ROBO1: variants seen among roughly 807,000 people sequenced by gnomAD.
ROBO1 encodes the protein roundabout homolog 1.
ROBO1 carries 149 observed loss-of-function variants against 195.9 expected under a neutral mutation model. The ratio of observed to expected loss-of-function variants is 0.76; its 90% CI spans 0.67 to 0.87. The LOEUF is 0.87. ROBO1 is among the 40% of genes least tolerant of loss of function. ROBO1 has a pLI of 0.00. For synonymous variants in ROBO1, 816 were observed against 733.2 expected (o/e 1.11, Z -1.82); for missense variants, 1,933 against 2,068.3 (o/e 0.93, Z 1.27).
chr3:78,614,881 T>G (rs1016957486), intron 27 of ROBO1, 81 bp from the exon 28 acceptor site: 1 of 1,342,080 alleles, frequency 7.5e-7, no homozygotes, highest in African/African-American at 1.5e-5. Flanking sequence ...AAGAAAACAT[T>G]AAAACCAGAA....
chr3:78,945,518 T>C (rs932199075), intron 3 of ROBO1, among the ~76,000 whole-genome samples: 1 of 152,070 alleles, frequency 6.6e-6, no homozygotes, highest in Non-Finnish European at 1.5e-5. Flanking sequence ...AACCCATCTG[T>C]ACCTCACCAT....
chr3:78,682,829 T>G (rs1294055089), intron 10 of ROBO1, among the ~76,000 whole-genome samples: 2 of 150,928 alleles, frequency 1.3e-5, no homozygotes, highest in Non-Finnish European at 3.0e-5. Context: ...TACAGTTGAC[T>G]TTTTTATATT....
At chr3:79,506,003 A>G (rs1311532966) in intron 2 of ROBO1, among the ~76,000 whole-genome samples, 1 of 152,212 alleles carries the variant, frequency 6.6e-6, no homozygotes, top group African/African-American at 2.4e-5. Context: ...AAACCAAAAT[A>G]CTAACTATAT....
At chr3:78,994,009 G>A (rs1222337450) in intron 3 of ROBO1, among the ~76,000 whole-genome samples, 1 of 151,860 alleles carries the variant, frequency 6.6e-6, no homozygotes, top group Non-Finnish European at 1.5e-5. Context: ...AAATGACTAG[G>A]ATGTTATAGT....
At chr3:79,398,179 T>C (rs940805514) in intron 2 of ROBO1, among the ~76,000 whole-genome samples, 5 of 152,154 alleles carry the variant, frequency 3.3e-5, no homozygotes, top group African/African-American at 4.8e-5. Flanking sequence ...TGGTTTGGTC[T>C]CAACACACCC....
intron 3 of ROBO1, among the ~76,000 whole-genome samples, chr3:79,056,207 C>T (rs2078804703): frequency 6.6e-6 from 1 of 152,092 alleles, no homozygotes; most frequent in South Asian, 2.1e-4. Context: ...AATCAGGAGC[C>T]TGCAGCTTGC....
At chr3:79,092,248 C>T (rs777499465) in intron 3 of ROBO1, among the ~76,000 whole-genome samples, 1 of 151,970 alleles carries the variant, frequency 6.6e-6, no homozygotes, top group Non-Finnish European at 1.5e-5. Flanking sequence ...AGATCTTGTC[C>T]CGAAGATCGC....
At chr3:78,790,880 T>C (rs1030504624) in intron 4 of ROBO1, among the ~76,000 whole-genome samples, 2 of 152,166 alleles carry the variant, frequency 1.3e-5, no homozygotes, top group Admixed American at 6.5e-5. Flanking sequence ...TTCCAAGGGA[T>C]GGGGCAGGGA....
chr3:78,786,798 C>G (rs1415174437), intron 4 of ROBO1, among the ~76,000 whole-genome samples: 1 of 152,158 alleles, frequency 6.6e-6, no homozygotes, highest in Non-Finnish European at 1.5e-5. Context: ...GTCCATTAAG[C>G]CTCTTTTTCT....
At chr3:79,262,786 A>C (rs1481899332) in intron 2 of ROBO1, among the ~76,000 whole-genome samples, 2 of 152,120 alleles carry the variant, frequency 1.3e-5, no homozygotes, top group East Asian at 3.9e-4. Context: ...GACAGAATAC[A>C]CAATGTAAAG....
chr3:79,158,403 T>C (rs973664999), intron 2 of ROBO1, among the ~76,000 whole-genome samples: 2 of 151,586 alleles, frequency 1.3e-5, no homozygotes, highest in Non-Finnish European at 3.0e-5. Context: ...ATTCATCTTT[T>C]AATTTTCTTA....
At chr3:79,189,214 A>G (rs1306084589) in intron 2 of ROBO1, among the ~76,000 whole-genome samples, 2 of 151,882 alleles carry the variant, frequency 1.3e-5, no homozygotes, top group Admixed American at 6.6e-5. Flanking sequence ...AACATCAGGA[A>G]TACAGTTGCA....
At chr3:78,864,688 G>T (rs1489950734) in intron 4 of ROBO1, among the ~76,000 whole-genome samples, 1 of 151,354 alleles carries the variant, frequency 6.6e-6, no homozygotes, top group East Asian at 1.9e-4. Flanking sequence ...TAACTGTAAT[G>T]CATGTATGTA....
intron 3 of ROBO1, among the ~76,000 whole-genome samples, chr3:78,964,930 C>T (rs995186389): frequency 6.6e-6 from 1 of 151,316 alleles, no homozygotes; most frequent in African/African-American, 2.4e-5. Flanking sequence ...GTGATCCCCC[C>T]GTGCTGGGAT....
At chr3:79,683,303 A>G (rs1947005157) in intron 1 of ROBO1, among the ~76,000 whole-genome samples, 1 of 152,000 alleles carries the variant, frequency 6.6e-6, no homozygotes, top group African/African-American at 2.4e-5. Context: ...TGCCAACATA[A>G]TAAGTATATA....
intron 2 of ROBO1, among the ~76,000 whole-genome samples, chr3:79,344,032 T>C (rs191910583): frequency 6.6e-6 from 1 of 152,190 alleles, no homozygotes; most frequent in Non-Finnish European, 1.5e-5. Flanking sequence ...ATTTGGCAAG[T>C]TTCTCAGGTG....
intron 4 of ROBO1, among the ~76,000 whole-genome samples, chr3:78,773,035 G>C (rs2083417425): frequency 6.6e-6 from 1 of 152,028 alleles, no homozygotes. Flanking sequence ...TCAAGAAAAA[G>C]TAATACTTAA....
intron 4 of ROBO1, among the ~76,000 whole-genome samples, chr3:78,835,963 G>A (rs967681158): frequency 6.6e-6 from 1 of 152,042 alleles, no homozygotes; most frequent in African/African-American, 2.4e-5. Flanking sequence ...TTCCAACTGG[G>A]TTACACCAAA....
At chr3:78,806,374 G>C (rs1454101467) in intron 4 of ROBO1, among the ~76,000 whole-genome samples, 1 of 152,204 alleles carries the variant, frequency 6.6e-6, no homozygotes, top group African/African-American at 2.4e-5. Flanking sequence ...AGGTTCTTGG[G>C]AGGAAGCGGT....
Sources: gnomAD v4.1 joint callset for allele counts (sites outside exome capture counted in the v4.1 genomes callset) on GRCh38, gnomAD v4.1.1 for gene constraint, MANE v1.5 for transcripts, NCBI Gene and HGNC (gene_info 2026-07-23, HGNC 2026-07-21) for gene names.